DLC1: variants seen among roughly 807,000 people sequenced by gnomAD.
DLC1 encodes rho GTPase-activating protein 7.
In DLC1, 54 loss-of-function variants were observed where a neutral mutation model predicts 140.3. That is an observed-to-expected ratio of 0.38 (90% confidence interval 0.31 to 0.48). The LOEUF is 0.48. Ranked by LOEUF, DLC1 falls within the 20% of genes least tolerant of loss-of-function variation. DLC1 has a pLI of 0.96. For synonymous variants in DLC1, 986 were observed against 728.1 expected, an observed-to-expected ratio of 1.35 and a Z score of -5.70; for missense variants, 2,536 against 1,907.0, an observed-to-expected ratio of 1.33 and a Z score of -6.14.
rs73663606 is a variant in DLC1 at position 13,127,362 on chromosome 8, C to T, written c.1349-11705G>A. Among the ~76,000 whole-genome samples, 1,227 of 152,286 alleles carry T rather than the reference C, an allele frequency of 8.1e-3. 15 individuals carry two copies. Among genetic ancestry groups the T allele is most frequent in the African/African-American group, 0.027 (1,140 of 41,568 alleles). On this transcript the variant is annotated intron_variant, in intron 5 of 17. Coordinates refer to ENST00000276297, the MANE Select transcript of DLC1 (RefSeq NM_182643.3). ...TCACTGAACCTCTCTGCATCTCAGC[C>T]GCCCCTCAGTCGGGAAAAGGCACTG...
chr8:13,534,742 C>T (rs1162840521), intron 1 of DLC1, among the ~76,000 whole-genome samples: 1 of 152,192 alleles, frequency 6.6e-6, no homozygotes, highest in African/African-American at 2.4e-5. Context: ...TTCTGAGTAG[C>T]TGAATCCACA....
At chr8:13,111,468 T>C (rs1820104234) in intron 6 of DLC1, among the ~76,000 whole-genome samples, 2 of 152,256 alleles carry the variant, frequency 1.3e-5, no homozygotes, top group South Asian at 2.1e-4. Context: ...CTTTAATCTG[T>C]AGAAGAGTTC....
intron 4 of DLC1, among the ~76,000 whole-genome samples, chr8:13,392,354 T>C (rs1260448512): frequency 6.6e-6 from 1 of 152,214 alleles, no homozygotes; most frequent in African/African-American, 2.4e-5. Flanking sequence ...AATAAATATT[T>C]ATTCCATAAA....
At chr8:13,141,545 C>T (rs985423170) in intron 5 of DLC1, among the ~76,000 whole-genome samples, 7 of 152,270 alleles carry the variant, frequency 4.6e-5, no homozygotes, top group East Asian at 3.9e-4. Context: ...GTTTTGTGCT[C>T]ATTTGAACTG....
chr8:13,600,063 A>G (rs146332504), intron 1 of DLC1, among the ~76,000 whole-genome samples: 2 of 152,032 alleles, frequency 1.3e-5, no homozygotes, highest in East Asian at 3.9e-4. Context: ...AGGTATCTGA[A>G]GAACCCTAAA....
chr8:13,509,052 G>A (rs563033970), intron 1 of DLC1, among the ~76,000 whole-genome samples: 1 of 152,160 alleles, frequency 6.6e-6, no homozygotes, highest in Non-Finnish European at 1.5e-5. Flanking sequence ...TATTATTGAT[G>A]GCAAAGCAGT....
chr8:13,329,773 A>G (rs893176852), intron 4 of DLC1, among the ~76,000 whole-genome samples: 11 of 152,212 alleles, frequency 7.2e-5, no homozygotes, highest in African/African-American at 2.4e-4. Flanking sequence ...AGGATCCTTA[A>G]GAACAGGAGC....
At chr8:13,513,212 C>T (rs540352417) in intron 1 of DLC1, among the ~76,000 whole-genome samples, 1 of 152,182 alleles carries the variant, frequency 6.6e-6, no homozygotes, top group East Asian at 1.9e-4. Flanking sequence ...TAGACAACCT[C>T]AAGCCATTGT....
chr8:13,268,976 G>T (rs1018340820), intron 5 of DLC1, among the ~76,000 whole-genome samples: 1 of 148,404 alleles, frequency 6.7e-6, no homozygotes, highest in Non-Finnish European at 1.5e-5. Context: ...CCGGGTTCAC[G>T]CCATTCTCCT....
chr8:13,143,846 G>GAGAGAGAGAGAGAGAGAGAGACAGAGAC (rs1476183797), intron 5 of DLC1, among the ~76,000 whole-genome samples: 1 of 148,386 alleles, frequency 6.7e-6, no homozygotes. Flanking sequence ...GAGAGAGAGA[G>GAGAGAGAGAGAGAGAGAGAGACAGAGAC]AGAGAGACAT....
In DLC1 at chr8:13,098,533, T is replaced by C; in HGVS notation, c.3033A>G (p.Pro1011=). The C allele has an allele frequency of 6.2e-7, 1 of 1,614,196 alleles. No homozygotes were observed. Residue 1011 remains proline, a synonymous_variant, in exon 10 of 18, where the codon CCA becomes CCG. Coordinates refer to ENST00000276297, the MANE Select transcript of DLC1 (RefSeq NM_182643.3). The stretch of plus-strand genomic sequence containing the variant: ...TCTGTAGTGATACAGAGTTGAGGCT[T>C]GGCCGATGTGAGCTCTGGAAACTGT... The part of the protein sequence containing the change: ...RWHSFQSSHR[P]SLNSVSLQIN...
At chr8:13,227,403 G>A (rs148559822) in intron 5 of DLC1, among the ~76,000 whole-genome samples, 1 of 152,054 alleles carries the variant, frequency 6.6e-6, no homozygotes, top group Non-Finnish European at 1.5e-5. Context: ...ACTTGGATTG[G>A]GAATCTTAGT....
chr8:13,237,610 C>T (rs957330145), intron 5 of DLC1, among the ~76,000 whole-genome samples: 25 of 151,990 alleles, frequency 1.6e-4, no homozygotes, highest in Non-Finnish European at 4.4e-5. Context: ...CCCTCAGCCC[C>T]CTCCCTACCT....
chr8:13,148,594 C>A (rs983308607), intron 5 of DLC1, among the ~76,000 whole-genome samples: 20 of 152,108 alleles, frequency 1.3e-4, no homozygotes, highest in South Asian at 1.2e-3. Flanking sequence ...GTGTCTTTTA[C>A]ACAAATGGGA....
chr8:13,532,481 T>A (rs768864980), intron 1 of DLC1, among the ~76,000 whole-genome samples: 4 of 152,250 alleles, frequency 2.6e-5, no homozygotes, highest in African/African-American at 4.8e-5. Flanking sequence ...ACATATTCCA[T>A]GTACAGATAA....
intron 5 of DLC1, among the ~76,000 whole-genome samples, chr8:13,154,932 A>T (rs1348896640): frequency 1.3e-5 from 2 of 152,210 alleles, no homozygotes; most frequent in South Asian, 2.1e-4. Flanking sequence ...TAAAAAACTT[A>T]TGTTTTTAAA....
intron 4 of DLC1, among the ~76,000 whole-genome samples, chr8:13,371,349 C>T (rs1835718117): frequency 6.6e-6 from 1 of 152,084 alleles, no homozygotes; most frequent in Non-Finnish European, 1.5e-5. Flanking sequence ...AGAGGTTTTC[C>T]AAAATGCACA....
At chr8:13,391,923 A>G (rs942335358) in intron 4 of DLC1, among the ~76,000 whole-genome samples, 1 of 151,708 alleles carries the variant, frequency 6.6e-6, no homozygotes, top group Admixed American at 6.6e-5. Flanking sequence ...AAGCCAATGC[A>G]TCAATGATTT....
chr8:13,298,650 T>C (rs1832058137), intron 5 of DLC1, among the ~76,000 whole-genome samples: 1 of 152,148 alleles, frequency 6.6e-6, no homozygotes, highest in Non-Finnish European at 1.5e-5. Flanking sequence ...CAGAATAAGC[T>C]CTAAGATTAG....
Sources: allele counts gnomAD v4.1 joint callset (sites outside exome capture counted in the v4.1 genomes callset), GRCh38; gene constraint gnomAD v4.1.1; transcripts MANE v1.5; gene names NCBI Gene and HGNC (gene_info 2026-07-23, HGNC 2026-07-21).